The following PCDHGA2 variants were observed in gnomAD, a reference collection of about 807,000 sequenced individuals.
The protein encoded by PCDHGA2 is protocadherin gamma-A2.
Under a neutral mutation model 59.2 loss-of-function variants are expected in PCDHGA2, and 40 were observed. The observed-to-expected ratio is 0.68, with a 90% CI of 0.52 to 0.88. The LOEUF (loss-of-function observed/expected upper bound fraction) is 0.88, where lower values mean the gene tolerates loss of function less well. Among genes scored for constraint, PCDHGA2 ranks in the 40% least tolerant of loss-of-function variants. The pLI is 0.00. For missense variants in PCDHGA2, 1,226 were observed against 1,204.0 expected, an observed-to-expected ratio of 1.02 and a Z score of -0.27; for synonymous variants, 560 against 526.0, an observed-to-expected ratio of 1.06 and a Z score of -0.89.
Position 141,490,749 on chromosome 5 carries a change from C to T in PCDHGA2, c.2425-4058C>T, listed in dbSNP as rs777124697. 3.1e-6 allele frequency: 5 copies of T among 1,614,098 alleles called. No individual in the cohort carries two copies. The South Asian group carries it at 5.5e-5, about 18-fold the overall frequency. ...GAAATCAGGTTCAGGGAGCCCCAGC[C>T]TCCTCCTTTGTGTATGTCAACCCAG... On this transcript the variant is annotated intron_variant, in intron 1 of 3. Coordinates refer to ENST00000394576, the MANE Select transcript of PCDHGA2 (RefSeq NM_018915.4). The surrounding 1 kb of genome is among the most constrained non-coding windows in gnomAD (Gnocchi z 5.4).
At position 141,486,694 on chromosome 5, in the gene PCDHGA2, C is replaced by T. The variant is rs1275794121; in HGVS notation, c.2425-8113C>T. ...ATCGAGATGTATCAGCTTCCTCTTTCATCTCTCTGAACCCCCAGACAGGAG... is the reference window on the plus strand; with the variant it reads ...ATCGAGATGTATCAGCTTCCTCTTTTATCTCTCTGAACCCCCAGACAGGAG... On this transcript the variant is annotated intron_variant, in intron 1 of 3. Transcript: ENST00000394576. This position sits in a 1 kb window ranked among gnomAD's most constrained non-coding sequence, Gnocchi z 5.0. 1.2e-6 allele frequency: 2 copies of T among 1,614,168 alleles called. No individual in the cohort carries two copies. Among genetic ancestry groups the T allele is most frequent in the Non-Finnish European group, 1.7e-6 (2 of 1,180,044 alleles).
chr5:141,383,277 T>C, intron 1 of PCDHGA2: 9 of 1,613,888 alleles, frequency 5.6e-6, no homozygotes, highest in Non-Finnish European at 7.6e-6. Context: ...TAATAGATAT[T>C]AATGACAACG....
rs111842066 is a variant in PCDHGA2, at chr5:141,486,269, G to A, written c.2425-8538G>A. 6.2e-7 allele frequency: 1 copy of A among 1,613,996 alleles called. No homozygotes were observed. Reference sequence around the variant, plus strand: ...AACCCTCCCCGAGAGTGCAGAACCTGGCACTGTGGTGGCACTTATCAGTGT... The same window carrying A: ...AACCCTCCCCGAGAGTGCAGAACCTAGCACTGTGGTGGCACTTATCAGTGT... On this transcript the variant is annotated intron_variant, in intron 1 of 3. Transcript: ENST00000394576. This position sits in a 1 kb window ranked among gnomAD's most constrained non-coding sequence, Gnocchi z 5.0.
rs2099404773 is a variant in PCDHGA2 at position 141,477,081 on chromosome 5, T to C, written c.2425-17726T>C. ...GACACCAAACTCCATGAGATTTACA[T>C]CCAGGCCAAAGACAAGGGCGCCAAT... On this transcript the variant is annotated intron_variant, in intron 1 of 3. Transcript: ENST00000394576. The surrounding 1 kb of genome is among the most constrained non-coding windows in gnomAD (Gnocchi z 4.9). 6.2e-7 allele frequency: 1 copy of C among 1,614,104 alleles called. No individual in the cohort carries two copies. Among genetic ancestry groups the C allele is most frequent in the Non-Finnish European group, 8.5e-7 (1 of 1,180,052 alleles).
chr5:141,435,990 T>C (rs1175877769), intron 1 of PCDHGA2, among the ~76,000 whole-genome samples: 1 of 152,162 alleles, frequency 6.6e-6, no homozygotes, highest in Non-Finnish European at 1.5e-5. Flanking sequence ...TTGTGTGATT[T>C]TTTGAAAGAA....
At chr5:141,409,933 GGT>G in intron 1 of PCDHGA2, 1 of 1,613,354 alleles carries the variant, frequency 6.2e-7, no homozygotes, top group East Asian at 2.2e-5. Flanking sequence ...TCTTCGATAT[GGT>G]ACCTCGCTCT....
chr5:141,425,566 G>T (rs532293951), intron 1 of PCDHGA2, among the ~76,000 whole-genome samples: 1 of 152,348 alleles, frequency 6.6e-6, no homozygotes, highest in Admixed American at 6.5e-5. Context: ...TAAGTGATAA[G>T]AAGGGTTTGG....
At chr5:141,404,495 T>A in intron 1 of PCDHGA2, 1 of 1,613,920 alleles carries the variant, frequency 6.2e-7, no homozygotes, top group South Asian at 1.1e-5. Context: ...TGGTGTGCTG[T>A]ATGCTCTGTG....
At chr5:141,349,206 G>A (rs1374082328) in intron 1 of PCDHGA2, among the ~76,000 whole-genome samples, 5 of 150,900 alleles carry the variant, frequency 3.3e-5, no homozygotes, top group East Asian at 3.9e-4. Context: ...AGTAGCTGGC[G>A]TTACAGGTAC....
At chr5:141,360,231 G>T in intron 1 of PCDHGA2, 2 of 1,613,880 alleles carry the variant, frequency 1.2e-6, no homozygotes, top group Non-Finnish European at 1.7e-6. Flanking sequence ...TCCCAGTCCA[G>T]ATCCGCTATT....
chr5:141,471,404 TTA>T (rs1320685792), intron 1 of PCDHGA2: 3 of 152,170 alleles, frequency 2.0e-5, no homozygotes, highest in Non-Finnish European at 4.4e-5. Flanking sequence ...GTAGCTAGGC[TTA>T]GTTATGTTTT....
chr5:141,357,273 C>CT (rs1760531497), intron 1 of PCDHGA2: 1 of 1,613,734 alleles, frequency 6.2e-7, no homozygotes, highest in South Asian at 1.1e-5. Flanking sequence ...GCCTCACACT[C>CT]TATCTCGTGG....
chr5:141,423,382 C>G, intron 1 of PCDHGA2: 1 of 1,614,118 alleles, frequency 6.2e-7, no homozygotes, highest in Non-Finnish European at 8.5e-7. Flanking sequence ...CAGGCTGTGG[C>G]GCTGGCATAA....
At chr5:141,375,457 A>T in intron 1 of PCDHGA2, 1 of 1,613,816 alleles carries the variant, frequency 6.2e-7, no homozygotes, top group East Asian at 2.2e-5. Flanking sequence ...CATCCTACTC[A>T]GTCTATGTCC....
intron 1 of PCDHGA2, chr5:141,410,134 C>G (rs573769764): frequency 6.2e-7 from 1 of 1,612,766 alleles, no homozygotes; most frequent in Admixed American, 1.7e-5. Context: ...GCCTGCTGGT[C>G]GCTGTGCGTG....
chr5:141,455,852 T>C (rs2154565235), intron 1 of PCDHGA2, among the ~76,000 whole-genome samples: 1 of 148,622 alleles, frequency 6.7e-6, no homozygotes, highest in South Asian at 2.1e-4. Context: ...CATAAAATAA[T>C]TTCTTTTATT....
intron 1 of PCDHGA2, chr5:141,373,780 T>A (rs1403034903): frequency 7.2e-6 from 2 of 277,114 alleles, no homozygotes; most frequent in Non-Finnish European, 1.3e-5. Flanking sequence ...CTCTGCAGAT[T>A]TAGCAGAAAT....
At chr5:141,389,480 C>G in intron 1 of PCDHGA2, 1 of 1,613,150 alleles carries the variant, frequency 6.2e-7, no homozygotes, top group Non-Finnish European at 8.5e-7. Flanking sequence ...CACTGCAGGC[C>G]CGCGACCAGG....
chr5:141,362,509 AATC>A lies in PCDHGA2; in HGVS notation c.2424+21117_2424+21119del, dbSNP rs1561527217. ...CAATGCCTCTTGGGAACAAAATACAAATCATGGAGCCGCTGGGGTCCCTTTTGC... is the reference window on the plus strand; with the variant it reads ...CAATGCCTCTTGGGAACAAAATACAAATGGAGCCGCTGGGGTCCCTTTTGC... On this transcript the variant is annotated intron_variant, in intron 1 of 3. Coordinates refer to ENST00000394576, the MANE Select transcript of PCDHGA2 (RefSeq NM_018915.4). The A allele has an allele frequency of 5.0e-6, 8 of 1,613,920 alleles. No homozygotes were observed. The South Asian group carries it at 7.7e-5, about 16-fold the overall frequency.
Sources: gnomAD v4.1 joint callset for allele counts (sites outside exome capture counted in the v4.1 genomes callset) on GRCh38, gnomAD v4.1.1 for gene constraint, Gnocchi (gnomAD v3.1) non-coding constraint, MANE v1.5 for transcripts, NCBI Gene and HGNC (gene_info 2026-07-23, HGNC 2026-07-21) for gene names.